The following CADM2 variants were observed in gnomAD, a reference collection of about 807,000 sequenced individuals.
The protein encoded by CADM2 is immunoglobulin superfamily member 4D.
CADM2 carries 12 observed loss-of-function variants against 49.8 expected under a neutral mutation model. The ratio of observed to expected loss-of-function variants is 0.24; its 90% CI spans 0.15 to 0.39. The LOEUF (loss-of-function observed/expected upper bound fraction) is 0.39. CADM2 is among the 10% of genes least tolerant of loss of function. The pLI, the probability that CADM2 is intolerant of heterozygous loss-of-function variation, is 1.00. For missense variants in CADM2, 378 were observed against 492.3 expected, an observed-to-expected ratio of 0.77 and a Z score of 2.20; for synonymous variants, 214 against 175.4, an observed-to-expected ratio of 1.22 and a Z score of -1.74.
intron 3 of CADM2, among the ~76,000 whole-genome samples, chr3:85,819,198 G>A (rs1410444696): frequency 6.6e-6 from 1 of 152,160 alleles, no homozygotes; most frequent in Non-Finnish European, 1.5e-5. Context: ...AGAAGACTCA[G>A]CAAGCCAGCT....
At chr3:85,981,911 A>T (rs1181025057) in intron 8 of CADM2, among the ~76,000 whole-genome samples, 4 of 151,664 alleles carry the variant, frequency 2.6e-5, no homozygotes, top group Non-Finnish European at 4.4e-5. Flanking sequence ...TTCTGTTTTA[A>T]TTTCTCTGAT....
intron 1 of CADM2, among the ~76,000 whole-genome samples, chr3:85,208,512 G>T (rs999990861): frequency 6.6e-6 from 1 of 152,084 alleles, no homozygotes; most frequent in Non-Finnish European, 1.5e-5. Context: ...TGAAGATTTT[G>T]CTGGTTTAAT....
At chr3:85,204,972 G>A (rs551142649) in intron 1 of CADM2, among the ~76,000 whole-genome samples, 78 of 150,980 alleles carry the variant, frequency 5.2e-4, no homozygotes, top group African/African-American at 1.9e-3. Flanking sequence ...GAAAATGAGT[G>A]GTTTTACAGA....
intron 1 of CADM2, among the ~76,000 whole-genome samples, chr3:85,072,526 G>T (rs1331006690): frequency 6.6e-6 from 1 of 152,026 alleles, no homozygotes; most frequent in East Asian, 1.9e-4. Context: ...ATGTGCCAAA[G>T]AATTACTCAT....
At chr3:85,503,951 T>C (rs1348233899) in intron 1 of CADM2, among the ~76,000 whole-genome samples, 4 of 152,216 alleles carry the variant, frequency 2.6e-5, no homozygotes, top group Admixed American at 6.5e-5. Context: ...AAGTGCAGAT[T>C]GTGATCCATT....
At chr3:85,369,107 G>A (rs1443492390) in intron 1 of CADM2, among the ~76,000 whole-genome samples, 2 of 152,130 alleles carry the variant, frequency 1.3e-5, no homozygotes, top group Non-Finnish European at 2.9e-5. Flanking sequence ...TACATTATTG[G>A]AGGAATTAAG....
intron 1 of CADM2, among the ~76,000 whole-genome samples, chr3:85,603,464 T>TTTCAAGAAGAAACG (rs1288049653): frequency 4.0e-5 from 6 of 151,630 alleles, no homozygotes; most frequent in African/African-American, 1.5e-4. Flanking sequence ...AAGAAGAAAC[T>TTTCAAGAAGAAACG]TATGTGTCAG....
At chr3:84,984,375 A>T in intron 1 of CADM2, among the ~76,000 whole-genome samples, 1 of 126,304 alleles carries the variant, frequency 7.9e-6, no homozygotes, top group South Asian at 2.6e-4. Flanking sequence ...AAAAAAAAAA[A>T]AAAAAAAAAA....
At chr3:86,011,761 G>T (rs1369070054) in intron 8 of CADM2, among the ~76,000 whole-genome samples, 1 of 151,932 alleles carries the variant, frequency 6.6e-6, no homozygotes, top group Non-Finnish European at 1.5e-5. Flanking sequence ...TGTAAAAAAA[G>T]AAAAATGCTA....
intron 1 of CADM2, among the ~76,000 whole-genome samples, chr3:85,445,883 T>G (rs1260213370): frequency 1.3e-5 from 2 of 152,158 alleles, no homozygotes; most frequent in African/African-American, 4.8e-5. Context: ...AACTGTACTG[T>G]TACATGCAAT....
chr3:86,046,896 CA>C (rs1736750946), intron 8 of CADM2, among the ~76,000 whole-genome samples: 1 of 143,340 alleles, frequency 7.0e-6, no homozygotes, highest in African/African-American at 2.6e-5. Flanking sequence ...TTAAATTTTT[CA>C]CAAAAAAATT....
rs145713730 is a variant in CADM2 at position 85,733,321 on chromosome 3, A to G, written c.88+6773A>G. On this transcript the variant is annotated intron_variant, in intron 2 of 9. Transcript: ENST00000383699. The stretch of plus-strand genomic sequence containing the variant: ...CTCATAAAAATTTTATTGTAAGATG[A>G]CCCAGTGGGTCAAAATATAAGTAAT... 2.2e-3 allele frequency among the ~76,000 whole-genome samples: 340 copies of G among 152,320 alleles called. 1 individual carries two copies. Among genetic ancestry groups the G allele is most frequent in the African/African-American group, 7.6e-3 (317 of 41,580 alleles).
rs1448805340 is a variant in CADM2, at chr3:86,067,723, G to A, written c.*940G>A. On this transcript the variant is annotated 3_prime_UTR_variant, in exon 10 of 10. Coordinates refer to ENST00000383699, the MANE Select transcript of CADM2 (RefSeq NM_001167675.2). ...ACATATTTAACTTTTTTGGCTGTAT[G>A]TAATTCAGTCATAAGTAAGCATTTT... 1.3e-5 allele frequency: 2 copies of A among 152,462 alleles called. No individual in the cohort carries two copies. Among genetic ancestry groups the A allele is most frequent in the African/African-American group, 2.4e-5 (1 of 41,450 alleles). The allele number at this position is 152,462 out of a possible 1,614,324, so 9.4% of individuals were successfully genotyped here.
chr3:85,500,802 C>T (rs2107664450), intron 1 of CADM2, among the ~76,000 whole-genome samples: 1 of 152,206 alleles, frequency 6.6e-6, no homozygotes, highest in African/African-American at 2.4e-5. Context: ...CAGGTGTGAG[C>T]CACCGTGCCC....
intron 3 of CADM2, among the ~76,000 whole-genome samples, chr3:85,839,835 G>C (rs1388892057): frequency 6.6e-6 from 1 of 151,808 alleles, no homozygotes; most frequent in African/African-American, 2.4e-5. Flanking sequence ...TTATAAAATA[G>C]TTCATTCAGT....
intron 1 of CADM2, among the ~76,000 whole-genome samples, chr3:85,417,661 T>A (rs2035975245): frequency 6.6e-6 from 1 of 152,168 alleles, no homozygotes; most frequent in Non-Finnish European, 1.5e-5. Flanking sequence ...GCAAGAAAGA[T>A]GACCTGGTTA....
chr3:85,583,303 G>A (rs765891282), intron 1 of CADM2, among the ~76,000 whole-genome samples: 1 of 152,044 alleles, frequency 6.6e-6, no homozygotes, highest in Non-Finnish European at 1.5e-5. Context: ...TTGAGAACCA[G>A]GGTTGGATAT....
intron 1 of CADM2, among the ~76,000 whole-genome samples, chr3:85,681,458 A>G (rs1294929279): frequency 1.3e-5 from 2 of 152,130 alleles, no homozygotes; most frequent in African/African-American, 4.8e-5. Flanking sequence ...TAATGAACAT[A>G]TTGAATTGCA....
At chr3:85,543,420 A>ATGTGTGTGGGGGTGTGGGGGTGTGTGTG (rs372108050) in intron 1 of CADM2, among the ~76,000 whole-genome samples, 1 of 129,584 alleles carries the variant, frequency 7.7e-6, no homozygotes, top group Non-Finnish European at 1.7e-5. Context: ...TGCCAAGCTA[A>ATGTGTGTGGGGGTGTGGGGGTGTGTGTG]TGTGTGTGTG....
Sources: allele counts gnomAD v4.1 joint callset (sites outside exome capture counted in the v4.1 genomes callset), GRCh38; gene constraint gnomAD v4.1.1; transcripts MANE v1.5; gene names NCBI Gene and HGNC (gene_info 2026-07-23, HGNC 2026-07-21).